FCRL4: variants seen among roughly 807,000 people sequenced by gnomAD.
FCRL4 encodes the protein Fc receptor like 4.
In FCRL4, 43 loss-of-function variants were observed where a neutral mutation model predicts 64.1. The observed-to-expected ratio is 0.67, with a 90% CI of 0.53 to 0.87. The LOEUF is 0.87. FCRL4 is among the 40% of genes least tolerant of loss of function. The pLI, the probability that FCRL4 is intolerant of heterozygous loss-of-function variation, is 0.00. For missense variants in FCRL4, 656 were observed against 613.5 expected (o/e 1.07, Z -0.73); for synonymous variants, 253 against 239.8 (o/e 1.05, Z -0.51).
chr1:157,576,777 A>G (rs1652425582), intron 10 of FCRL4, among the ~76,000 whole-genome samples: 1 of 152,358 alleles, frequency 6.6e-6, no homozygotes, highest in East Asian at 1.9e-4. Context: ...GAAAGACAAA[A>G]CAAGTGATCA....
At position 157,593,267 on chromosome 1, in the gene FCRL4, C is replaced by T. The variant is rs139254079; in HGVS notation, c.52+3061G>A. The stretch of plus-strand genomic sequence containing the variant: ...AAAAAAATAAGACTATTGCCTGGCT[C>T]ACAACCCAGGGAAGTCCTGGGAACC... On this transcript the variant is annotated intron_variant, in intron 2 of 11. Coordinates refer to ENST00000271532, the MANE Select transcript of FCRL4 (RefSeq NM_031282.3). 1.9e-3 allele frequency among the ~76,000 whole-genome samples: 289 copies of T among 152,184 alleles called. 1 individual carries two copies. Among genetic ancestry groups the T allele is most frequent in the African/African-American group, 6.8e-3 (281 of 41,520 alleles).
At chr1:157,579,026 G>A (rs973632766) in intron 8 of FCRL4, among the ~76,000 whole-genome samples, 174 bp from the exon 9 acceptor site, 4 of 152,178 alleles carry the variant, frequency 2.6e-5, no homozygotes, top group Non-Finnish European at 4.4e-5. Context: ...TATAGAGTGA[G>A]ACTGTTCTTT....
Position 157,575,489 on chromosome 1 carries a change from A to G in FCRL4, c.*35T>C. ...TGGGACTTTGGACAAGGGAGAAATC[A>G]CATGAGTAGGACGTTCTCGTAACTT... On this transcript the variant is annotated 3_prime_UTR_variant, in exon 12 of 12. Coordinates refer to ENST00000271532, the MANE Select transcript of FCRL4 (RefSeq NM_031282.3). The G allele has an allele frequency of 1.3e-6, 2 of 1,530,334 alleles. No homozygotes were observed. The highest frequency in any genetic ancestry group is 9.0e-7 in the Non-Finnish European group (1 of 1,108,230). The allele number at this position is 1,530,334 out of a possible 1,614,324, so 94.8% of individuals were successfully genotyped here.
At chr1:157,579,612 G>T (rs778119122) in intron 8 of FCRL4, among the ~76,000 whole-genome samples, 41 of 151,940 alleles carry the variant, frequency 2.7e-4, no homozygotes, top group Non-Finnish European at 4.7e-4. Context: ...AGCTACTTTG[G>T]AAGCTGAGGC....
At chr1:157,584,097 A>G (rs1302303393) in intron 6 of FCRL4, among the ~76,000 whole-genome samples, 1 of 152,190 alleles carries the variant, frequency 6.6e-6, no homozygotes, top group Non-Finnish European at 1.5e-5. Flanking sequence ...TATACTTACC[A>G]ACAGATTCAC....
At chr1:157,594,079 T>G (rs1652902517) in intron 2 of FCRL4, among the ~76,000 whole-genome samples, 1 of 152,094 alleles carries the variant, frequency 6.6e-6, no homozygotes, top group Non-Finnish European at 1.5e-5. Flanking sequence ...CACTAAAGAG[T>G]ATGGCAGAGC....
chr1:157,589,557 C>A (rs1652788720), intron 2 of FCRL4, 99 bp from the exon 3 acceptor site: 1 of 1,433,126 alleles, frequency 7.0e-7, no homozygotes, highest in South Asian at 1.3e-5. Context: ...TTGGGAGATC[C>A]CTAAGATGCC....
At chr1:157,582,101 G>A (rs1652573727) in intron 6 of FCRL4, among the ~76,000 whole-genome samples, 1 of 152,156 alleles carries the variant, frequency 6.6e-6, no homozygotes. Flanking sequence ...ACGATGAAAT[G>A]GCATCAGCCT....
rs1652383532 is a variant in FCRL4, at chr1:157,575,552, T to C, written c.1520A>G (p.Lys507Arg). The C allele has an allele frequency of 6.2e-7, 1 of 1,613,672 alleles. No homozygotes were observed. Among genetic ancestry groups the C allele is most frequent in the Non-Finnish European group, 8.5e-7 (1 of 1,179,748 alleles). ...ACTTTCTTCATCCTTAGAGCTGATC[T>C]TTCCAGCTGAGTTATCTGGGTGTTG... The part of the protein sequence containing the change: ...KTQHPDNSAG[K>R]ISSKDEES The change falls in exon 12 of 12, where the codon AAG (lysine) becomes AGG (arginine). Residue 507 changes from lysine to arginine, a missense_variant. Transcript: ENST00000271532.
chr1:157,585,387 T>TTTCC (rs1558155130), intron 6 of FCRL4, among the ~76,000 whole-genome samples: 3 of 101,926 alleles, frequency 2.9e-5, no homozygotes, highest in African/African-American at 1.1e-4. Flanking sequence ...TCTTTCTTTC[T>TTTCC]TTCTTTCCTT....
intron 1 of FCRL4, 37 bp from the exon 2 acceptor site, chr1:157,596,385 G>A (rs201685929): frequency 2.7e-5 from 43 of 1,613,106 alleles, no homozygotes; most frequent in East Asian, 6.7e-5. Flanking sequence ...CAGCGTAGGC[G>A]AAGAGTCCCG....
rs576977682 is a variant in FCRL4 at position 157,589,670 on chromosome 1, A to T, written c.53-212T>A. ...CTATAGCAGCAGACTGGCCTTTCAG[A>T]GGGGGGGCAGCCCTGGCAGGATCCA... On this transcript the variant is annotated intron_variant, in intron 2 of 11. Transcript: ENST00000271532. Among the ~76,000 whole-genome samples, 3 of 151,150 alleles carry T rather than the reference A, an allele frequency of 2.0e-5. No individual in the cohort carries two copies. In the East Asian group the frequency reaches 5.8e-4, roughly 29 times the overall value.
chr1:157,585,150 A>G (rs891603049), intron 6 of FCRL4, among the ~76,000 whole-genome samples: 1 of 152,146 alleles, frequency 6.6e-6, no homozygotes, highest in Non-Finnish European at 1.5e-5. Flanking sequence ...GAGTGAATTG[A>G]GGAGTTTTAT....
chr1:157,586,136 A>C (rs1385507765), intron 6 of FCRL4, 32 bp downstream of exon 6: 1 of 1,563,344 alleles, frequency 6.4e-7, no homozygotes, highest in Non-Finnish European at 8.7e-7. Context: ...GTTTGCTGAG[A>C]ATAAATAAGG....
At chr1:157,576,089 T>A (rs1652407246) in intron 10 of FCRL4, among the ~76,000 whole-genome samples, 1 of 152,176 alleles carries the variant, frequency 6.6e-6, no homozygotes, top group Non-Finnish European at 1.5e-5. Context: ...GTTTGGCAAG[T>A]TCCCATTAGA....
intron 10 of FCRL4, among the ~76,000 whole-genome samples, chr1:157,577,598 G>T (rs1184374491): frequency 6.6e-6 from 1 of 152,198 alleles, no homozygotes; most frequent in African/African-American, 2.4e-5. Context: ...CTGGCTTGAG[G>T]CCTTGCTGAC....
In FCRL4 at chr1:157,588,190, A is replaced by T. The variant is rs1652751062; in HGVS notation, c.308-71T>A. ...TATCTCCTTCTTCTCTTGAATTACA[A>T]AGGCTTTATTGTTTTCTTCTTTCTT... On this transcript the variant is annotated intron_variant, in intron 3 of 11. Coordinates refer to ENST00000271532, the MANE Select transcript of FCRL4 (RefSeq NM_031282.3). 2.0e-6 allele frequency: 3 copies of T among 1,509,236 alleles called. No homozygotes were observed. The South Asian group carries it at 4.1e-5, about 20-fold the overall frequency. 93.5% of individuals were successfully genotyped at this position (1,509,236 alleles called of 1,614,324 possible).
Position 157,587,507 on chromosome 1 carries a change from TCC to T in FCRL4, c.614_615del (p.Gly205GlufsTer8). ...LKATDSQPTE[G>X]NSVNLSCETQ... ...GTTTCACAGCTCAGGTTTACAGAAT[TCC>T]CCTCTGTAGGCTGAGAGTCTGTAGC... On this transcript the variant is annotated frameshift_variant, in exon 5 of 12. Transcript: ENST00000271532. LOFTEE classifies it high-confidence loss of function. 6.2e-7 allele frequency: 1 copy of T among 1,614,090 alleles called. No individual in the cohort carries two copies. Among genetic ancestry groups the T allele is most frequent in the Non-Finnish European group, 8.5e-7 (1 of 1,179,954 alleles).
At chr1:157,584,310 A>G (rs534198810) in intron 6 of FCRL4, among the ~76,000 whole-genome samples, 34 of 152,138 alleles carry the variant, frequency 2.2e-4, no homozygotes, top group African/African-American at 7.7e-4. Context: ...TTGAAATGCC[A>G]TTGAGCCCTG....
Sources: allele counts gnomAD v4.1 joint callset (sites outside exome capture counted in the v4.1 genomes callset), GRCh38; gene constraint gnomAD v4.1.1; transcripts MANE v1.5; gene names NCBI Gene and HGNC (gene_info 2026-07-23, HGNC 2026-07-21).